SLC60A1: variants seen among roughly 807,000 people sequenced by gnomAD.
SLC60A1 encodes the protein solute carrier family 60 member 1.
chr1:205,591,483 CAAAAAAA>C, the SLC60A1 span, among the ~76,000 whole-genome samples: 2 of 86,928 alleles, frequency 2.3e-5, no homozygotes, highest in African/African-American at 4.0e-5. Context: ...CCCTGTCTCT[CAAAAAAA>C]AAAAAAAAAA....
chr1:205,579,777 T>A, the SLC60A1 span: 2 of 1,614,152 alleles, frequency 1.2e-6, no homozygotes, highest in African/African-American at 1.3e-5. Context: ...TGGGCCCTGT[T>A]CACCTCCTCT....
the SLC60A1 span, chr1:205,580,844 A>C: frequency 6.2e-7 from 1 of 1,614,116 alleles, no homozygotes; most frequent in South Asian, 1.1e-5. The surrounding 1 kb of genome is among the most constrained non-coding windows in gnomAD (Gnocchi z 5.0). Flanking sequence ...GTCCAACCAG[A>C]CGTTCCCAGG....
At chr1:205,584,883 G>T in the SLC60A1 span, 4 of 1,613,868 alleles carry the variant, frequency 2.5e-6, no homozygotes, top group Non-Finnish European at 3.4e-6. Flanking sequence ...CAGGGCATGA[G>T]GACCTGTTCA....
At chr1:205,599,334 C>T in the SLC60A1 span, 1 of 1,531,122 alleles carries the variant, frequency 6.5e-7, no homozygotes, top group African/African-American at 1.4e-5. Context: ...TGCTATGGAT[C>T]TTAACGTGCC....
chr1:205,580,637 C>CCCCCCCCCCT, the SLC60A1 span: 2 of 1,583,048 alleles, frequency 1.3e-6, no homozygotes, highest in South Asian at 1.1e-5. The surrounding 1 kb of genome is among the most constrained non-coding windows in gnomAD (Gnocchi z 5.0). Flanking sequence ...CCACCCCCAC[C>CCCCCCCCCCT]CGCCACCTCT....
At chr1:205,579,519 T>C in the SLC60A1 span, 4 of 591,970 alleles carry the variant, frequency 6.8e-6, no homozygotes, top group Non-Finnish European at 1.2e-5. Context: ...AGAATACTAG[T>C]GGCTAGGCTT....
chr1:205,569,050 C>G, the SLC60A1 span: 2 of 1,447,490 alleles, frequency 1.4e-6, no homozygotes, highest in Non-Finnish European at 1.8e-6. Context: ...ACCAGATCCG[C>G]GAGCCCGTCA....
the SLC60A1 span, among the ~76,000 whole-genome samples, chr1:205,569,704 G>A: frequency 1.3e-5 from 2 of 151,984 alleles, no homozygotes; most frequent in Admixed American, 1.3e-4. Flanking sequence ...CAGTAGCCCC[G>A]GCTGCCGGGG....
the SLC60A1 span, among the ~76,000 whole-genome samples, chr1:205,572,133 A>C: frequency 1.3e-5 from 2 of 152,280 alleles, no homozygotes; most frequent in South Asian, 4.1e-4. Flanking sequence ...TCAGGGCAGC[A>C]CCAGCTTGCT....
the SLC60A1 span, among the ~76,000 whole-genome samples, chr1:205,572,757 G>A: frequency 0.058 from 8,832 of 152,228 alleles, 451 homozygotes; most frequent in South Asian, 0.2. Context: ...CCTACTGAGC[G>A]TCCAGTACCA....
At chr1:205,592,547 C>T in the SLC60A1 span, among the ~76,000 whole-genome samples, 3 of 151,964 alleles carry the variant, frequency 2.0e-5, no homozygotes, top group Non-Finnish European at 4.4e-5. Context: ...CCCCACCCCA[C>T]AACTGTCCCA....
the SLC60A1 span, among the ~76,000 whole-genome samples, chr1:205,591,854 GT>G: frequency 7.2e-5 from 11 of 152,234 alleles, no homozygotes; most frequent in African/African-American, 2.7e-4. Flanking sequence ...GTAGTCCTCA[GT>G]CCCCAAATGC....
the SLC60A1 span, chr1:205,591,894 G>T: frequency 2.1e-6 from 1 of 485,014 alleles, no homozygotes; most frequent in Non-Finnish European, 3.7e-6. Context: ...AGCTGTTAGG[G>T]GAGATGTCTA....
At chr1:205,573,680 A>T in the SLC60A1 span, among the ~76,000 whole-genome samples, 2 of 152,262 alleles carry the variant, frequency 1.3e-5, no homozygotes, top group African/African-American at 4.8e-5. Flanking sequence ...GTGACTACTA[A>T]TGAATATAAG....
At chr1:205,595,380 C>T in the SLC60A1 span, among the ~76,000 whole-genome samples, 1 of 152,202 alleles carries the variant, frequency 6.6e-6, no homozygotes, top group Non-Finnish European at 1.5e-5. Context: ...GCTCTTCCTT[C>T]CAGACCTAAC....
chr1:205,598,625 C>T, the SLC60A1 span: 12,764 of 154,710 alleles, frequency 0.083, 659 homozygotes, highest in East Asian at 0.23. Context: ...AATGATGTGA[C>T]ATCTGGGACT....
the SLC60A1 span, chr1:205,569,404 G>T: frequency 1.4e-6 from 1 of 701,956 alleles, no homozygotes; most frequent in Non-Finnish European, 1.8e-6. Flanking sequence ...CCCCGGCCCC[G>T]TGGGGCTGCC....
the SLC60A1 span, among the ~76,000 whole-genome samples, chr1:205,573,075 C>T: frequency 6.6e-6 from 1 of 152,020 alleles, no homozygotes; most frequent in South Asian, 2.1e-4. Context: ...ACAACCTGGG[C>T]AGCACAGTGA....
chr1:205,585,720 G>C, the SLC60A1 span, among the ~76,000 whole-genome samples: 2 of 147,946 alleles, frequency 1.4e-5, no homozygotes, highest in African/African-American at 5.0e-5. The surrounding 1 kb of genome is among the most constrained non-coding windows in gnomAD (Gnocchi z 4.2). Flanking sequence ...TTCTGCTCTG[G>C]TTGAAGTGGG....
Sources: gnomAD v4.1 joint callset for allele counts (sites outside exome capture counted in the v4.1 genomes callset) on GRCh38, gnomAD v4.1.1 for gene constraint, Gnocchi (gnomAD v3.1) non-coding constraint, MANE v1.5 for transcripts, NCBI Gene and HGNC (gene_info 2026-07-23, HGNC 2026-07-21) for gene names.